The following NDUFA9 variants were observed in gnomAD, a reference collection of about 807,000 sequenced individuals.
The protein encoded by NDUFA9 is NADH:ubiquinone oxidoreductase subunit A9.
NDUFA9 carries 23 observed loss-of-function variants against 45.9 expected under a neutral mutation model. The ratio of observed to expected loss-of-function variants is 0.50; its 90% CI spans 0.36 to 0.71. The LOEUF (loss-of-function observed/expected upper bound fraction) is 0.71, where lower values mean the gene tolerates loss of function less well. NDUFA9 is among the 30% of genes least tolerant of loss of function. The pLI, the probability that NDUFA9 is intolerant of heterozygous loss-of-function variation, is 0.00. For synonymous variants in NDUFA9, 176 were observed against 170.5 expected, an observed-to-expected ratio of 1.03 and a Z score of -0.25; for missense variants, 466 against 488.2, an observed-to-expected ratio of 0.95 and a Z score of 0.43.
chr12:4,668,678 T>C, intron 7 of NDUFA9, 154 bp downstream of exon 7: 4 of 666,372 alleles, frequency 6.0e-6, no homozygotes, highest in Non-Finnish European at 1.1e-5. Context: ...AAGAGGTACA[T>C]GCCTTCTCTG....
chr12:4,686,935 A>G lies in NDUFA9; in HGVS notation c.964-3A>G. ...TTGTCTGTGGTCCTTTGTTTATCCA[A>G]AGATGCACATCACAGACATGAAATT... On this transcript the variant is annotated splice_region_variant and splice_polypyrimidine_tract_variant and intron_variant, in intron 10 of 10. Coordinates refer to ENST00000266544, the MANE Select transcript of NDUFA9 (RefSeq NM_005002.5). 6 of 1,613,556 alleles carry G rather than the reference A, an allele frequency of 3.7e-6. No homozygotes were observed. The highest frequency in any genetic ancestry group is 5.1e-6 in the Non-Finnish European group (6 of 1,179,694).
chr12:4,664,541 G>A (rs1945842207), intron 6 of NDUFA9, among the ~76,000 whole-genome samples: 7 of 152,358 alleles, frequency 4.6e-5, no homozygotes, highest in Non-Finnish European at 7.3e-5. Flanking sequence ...ACACCACATG[G>A]CCTTTGTCAG....
At chr12:4,673,161 G>T (rs1463344938) in intron 8 of NDUFA9, among the ~76,000 whole-genome samples, 1 of 152,190 alleles carries the variant, frequency 6.6e-6, no homozygotes, top group African/African-American at 2.4e-5. Flanking sequence ...AAACAGAAAA[G>T]AATAGTATCA....
intron 8 of NDUFA9, among the ~76,000 whole-genome samples, chr12:4,676,415 C>T (rs1241728431): frequency 6.6e-6 from 1 of 152,218 alleles, no homozygotes; most frequent in Non-Finnish European, 1.5e-5. Context: ...CCCAAATCTC[C>T]TTAGCTGGTA....
At chr12:4,674,634 T>A (rs1266296916) in intron 8 of NDUFA9, among the ~76,000 whole-genome samples, 1 of 152,206 alleles carries the variant, frequency 6.6e-6, no homozygotes, top group Non-Finnish European at 1.5e-5. Context: ...CCTGAATATA[T>A]ATGCTCCCAA....
rs1565565938 is a variant in NDUFA9, at chr12:4,659,125, T to G, written c.500T>G (p.Val167Gly). The G allele has an allele frequency of 6.2e-7, 1 of 1,611,538 alleles. No individual in the cohort carries two copies. Reference protein sequence around the residue: ...KEAGVEKFIHVSHLNANIKSS... With the variant: ...KEAGVEKFIHGSHLNANIKSS... ...GCTGGAGTTGAAAAATTCATTCATG[T>G]TTCACATCTGAATGCGAATATTAAA... is the stretch of plus-strand genomic sequence containing the variant. Residue 167 changes from valine to glycine, a missense_variant, in exon 5 of 11, where the codon GTT becomes GGT. By Grantham distance (109) the Val-to-Gly change is moderately radical. Transcript: ENST00000266544.
At chr12:4,662,713 C>T (rs913189015) in intron 6 of NDUFA9, 78 bp downstream of exon 6, 2 of 1,126,174 alleles carry the variant, frequency 1.8e-6, no homozygotes, top group African/African-American at 3.1e-5. Context: ...ACAGTTTTCT[C>T]TGATTGACAG....
intron 2 of NDUFA9, 32 bp from the exon 3 acceptor site, chr12:4,654,793 G>A: frequency 6.7e-7 from 1 of 1,503,152 alleles, no homozygotes; most frequent in Non-Finnish European, 9.2e-7. Context: ...TTATGTTAAT[G>A]TTGATCCTTT....
In NDUFA9 at chr12:4,687,114, C is replaced by T; in HGVS notation, c.*6C>T. ...CCAAGACCGTCAACATTTAGTGCCT[C>T]CTGAGCAGCTCTTGGTTTTGGCGTC... On this transcript the variant is annotated 3_prime_UTR_variant, in exon 11 of 11. Coordinates refer to ENST00000266544, the MANE Select transcript of NDUFA9 (RefSeq NM_005002.5). The T allele has an allele frequency of 6.2e-7, 1 of 1,613,932 alleles. No homozygotes were observed. The highest frequency in any genetic ancestry group is 2.2e-5 in the East Asian group (1 of 44,874).
intron 1 of NDUFA9, chr12:4,653,686 T>C: frequency 4.9e-6 from 2 of 407,412 alleles, no homozygotes; most frequent in South Asian, 1.8e-5. Context: ...ATAGTAAGTC[T>C]GAACTATTGA....
chr12:4,660,085 G>C (rs370566810), intron 5 of NDUFA9, among the ~76,000 whole-genome samples: 1 of 152,162 alleles, frequency 6.6e-6, no homozygotes, highest in Non-Finnish European at 1.5e-5. Context: ...AAGATGTCCA[G>C]CCCTCTGGCT....
chr12:4,657,597 C>T lies in NDUFA9; in HGVS notation c.319-151C>T, dbSNP rs12309713. 151,104 of 615,902 alleles carry T rather than the reference C, an allele frequency of 0.25. 19,502 individuals are homozygous for T. Among genetic ancestry groups the T allele is most frequent in the Middle Eastern group, 0.34 (879 of 2,556 alleles). 38.2% of individuals were successfully genotyped at this position (615,902 alleles called of 1,614,324 possible). Reference sequence around the variant, plus strand: ...CAGCAGGGAGTCTGAGATGTCATTTCTGTTGTAATAAATGGAGCTTGGATG... The same window carrying T: ...CAGCAGGGAGTCTGAGATGTCATTTTTGTTGTAATAAATGGAGCTTGGATG... On this transcript the variant is annotated intron_variant, in intron 3 of 10. Coordinates refer to ENST00000266544, the MANE Select transcript of NDUFA9 (RefSeq NM_005002.5).
chr12:4,654,204 A>G (rs768375490), intron 1 of NDUFA9, 88 bp from the exon 2 acceptor site: 32 of 1,300,852 alleles, frequency 2.5e-5, no homozygotes, highest in Non-Finnish European at 3.3e-5. Flanking sequence ...ATAATGTTAC[A>G]AGTTTTTAGA....
At chr12:4,674,345 T>C (rs181157409) in intron 8 of NDUFA9, among the ~76,000 whole-genome samples, 78 of 152,248 alleles carry the variant, frequency 5.1e-4, no homozygotes, top group Non-Finnish European at 1.5e-5. Flanking sequence ...CTTCCTTGCA[T>C]TGGCTAAATG....
chr12:4,681,069 T>C (rs1487246127), intron 8 of NDUFA9, among the ~76,000 whole-genome samples: 1 of 152,090 alleles, frequency 6.6e-6, no homozygotes, highest in Non-Finnish European at 1.5e-5. Flanking sequence ...TTGGCTTACA[T>C]CTTGGGAAAA....
chr12:4,662,595 C>T lies in NDUFA9; in HGVS notation c.615C>T (p.Asp205=), dbSNP rs1255540880. Reference sequence around the variant, plus strand: ...AAGCCATTATCGTAAAGCCGTCGGACATCTTTGGAAGAGAGGATAGATTCC... The same window carrying T: ...AAGCCATTATCGTAAAGCCGTCGGATATCTTTGGAAGAGAGGATAGATTCC... The part of the protein sequence containing the change: ...FPEAIIVKPS[D]IFGREDRFLN... The change falls in exon 6 of 11, where the codon GAC becomes GAT. Residue 205 remains aspartate, a synonymous_variant. Coordinates refer to ENST00000266544, the MANE Select transcript of NDUFA9 (RefSeq NM_005002.5). 4 of 1,613,902 alleles carry T rather than the reference C, an allele frequency of 2.5e-6. No homozygotes were observed. Among genetic ancestry groups the T allele is most frequent in the African/African-American group, 1.3e-5 (1 of 75,040 alleles).
intron 6 of NDUFA9, among the ~76,000 whole-genome samples, chr12:4,666,262 G>GTT (rs1384825067): frequency 6.6e-6 from 1 of 152,036 alleles, no homozygotes; most frequent in African/African-American, 2.4e-5. Flanking sequence ...AGTTGTAGGA[G>GTT]TTTTTTTATT....
intron 9 of NDUFA9, among the ~76,000 whole-genome samples, chr12:4,684,553 T>C (rs907421541): frequency 1.1e-4 from 16 of 152,166 alleles, no homozygotes; most frequent in African/African-American, 3.6e-4. Context: ...GAGGATCACT[T>C]GAGCCTGGGA....
At chr12:4,662,000 T>C (rs1473447453) in intron 5 of NDUFA9, among the ~76,000 whole-genome samples, 10 of 152,112 alleles carry the variant, frequency 6.6e-5, no homozygotes, top group African/African-American at 2.4e-4. Flanking sequence ...AAAGGAAGAC[T>C]GAATTAGGTG....
Sources: allele counts gnomAD v4.1 joint callset (sites outside exome capture counted in the v4.1 genomes callset), GRCh38; gene constraint gnomAD v4.1.1; transcripts MANE v1.5; gene names NCBI Gene and HGNC (gene_info 2026-07-23, HGNC 2026-07-21).